Variants in ZNF407 observed in about 807,000 individuals in gnomAD.
The protein encoded by ZNF407 is zinc finger protein 407.
Under a neutral mutation model 131.2 loss-of-function variants are expected in ZNF407, and 17 were observed. That is an observed-to-expected ratio of 0.13 (90% CI 0.09 to 0.19). The LOEUF (loss-of-function observed/expected upper bound fraction) is 0.19. ZNF407 is among the 10% of genes least tolerant of loss of function. The pLI is 1.00. For missense variants in ZNF407, 2,681 were observed against 2,830.6 expected, an observed-to-expected ratio of 0.95 and a Z score of 1.20; for synonymous variants, 1,156 against 1,062.0, an observed-to-expected ratio of 1.09 and a Z score of -1.72.
chr18:74,800,560 T>C (rs1970002396), intron 4 of ZNF407, among the ~76,000 whole-genome samples: 1 of 152,152 alleles, frequency 6.6e-6, no homozygotes, highest in Non-Finnish European at 1.5e-5. Context: ...CCTTGCCATC[T>C]ATGGCCTTCC....
At chr18:74,953,446 T>A (rs1055145773) in intron 8 of ZNF407, among the ~76,000 whole-genome samples, 23 of 152,208 alleles carry the variant, frequency 1.5e-4, no homozygotes, top group Admixed American at 3.9e-4. Context: ...TTACGTTGTA[T>A]CATGGCCATC....
intron 8 of ZNF407, among the ~76,000 whole-genome samples, chr18:74,926,161 A>G (rs1479913606): frequency 6.6e-6 from 1 of 152,224 alleles, no homozygotes; most frequent in African/African-American, 2.4e-5. Flanking sequence ...GCTGTCTGCC[A>G]TAGCAGTACC....
intron 3 of ZNF407, among the ~76,000 whole-genome samples, chr18:74,727,555 G>A (rs928652369): frequency 1.3e-5 from 2 of 152,164 alleles, no homozygotes; most frequent in East Asian, 1.9e-4. Context: ...ACAGGGGCTC[G>A]AATGAAGTCT....
chr18:74,688,958 A>G lies in ZNF407; in HGVS notation c.4802+47836A>G, dbSNP rs759988692. On this transcript the variant is annotated intron_variant, in intron 3 of 8. Transcript: ENST00000299687. ...ATTCTCCTGCCTCAGTCTTCTGAGT[A>G]GCTGGAATTACAGGCACCCGCCACC... Among the ~76,000 whole-genome samples, 34 of 152,056 alleles carry G rather than the reference A, an allele frequency of 2.2e-4. 1 individual carries two copies. The highest frequency in any genetic ancestry group is 4.7e-4 in the Non-Finnish European group (32 of 68,016).
At chr18:75,031,770 T>C (rs1321904769) in intron 8 of ZNF407, among the ~76,000 whole-genome samples, 1 of 152,182 alleles carries the variant, frequency 6.6e-6, no homozygotes, top group Admixed American at 6.5e-5. Flanking sequence ...ATAACCAAAG[T>C]TGTACACAAG....
At chr18:74,822,178 T>G (rs932007753) in intron 4 of ZNF407, among the ~76,000 whole-genome samples, 2 of 152,214 alleles carry the variant, frequency 1.3e-5, no homozygotes, top group African/African-American at 4.8e-5. Context: ...CTCTGTCAGA[T>G]GGATAGATTG....
At chr18:74,977,053 A>G (rs1230131915) in intron 8 of ZNF407, among the ~76,000 whole-genome samples, 1 of 152,248 alleles carries the variant, frequency 6.6e-6, no homozygotes, top group African/African-American at 2.4e-5. Context: ...TAGACTTTTA[A>G]CCATTTAGTC....
intron 8 of ZNF407, among the ~76,000 whole-genome samples, chr18:75,039,105 A>C (rs1300300302): frequency 1.3e-5 from 2 of 152,260 alleles, no homozygotes; most frequent in African/African-American, 4.8e-5. Context: ...TGAATTAAGC[A>C]GGCTTACCTT....
At chr18:74,744,599 C>T (rs1348724580) in intron 3 of ZNF407, among the ~76,000 whole-genome samples, 1 of 151,972 alleles carries the variant, frequency 6.6e-6, no homozygotes, top group Admixed American at 6.6e-5. Flanking sequence ...AGTTTGTGGA[C>T]AGGACCAAAA....
At chr18:74,868,613 T>A (rs543505425) in intron 4 of ZNF407, among the ~76,000 whole-genome samples, 26 of 152,202 alleles carry the variant, frequency 1.7e-4, no homozygotes, top group Non-Finnish European at 2.8e-4. Flanking sequence ...ACAACCCCCG[T>A]CAGCATGGTT....
At chr18:74,952,409 A>G (rs896403715) in intron 8 of ZNF407, among the ~76,000 whole-genome samples, 4 of 152,216 alleles carry the variant, frequency 2.6e-5, no homozygotes, top group Non-Finnish European at 5.9e-5. Flanking sequence ...AACTGGCCCA[A>G]GTTACCCACC....
chr18:74,992,237 T>C (rs773575385), intron 8 of ZNF407, among the ~76,000 whole-genome samples: 6 of 152,168 alleles, frequency 3.9e-5, no homozygotes, highest in Non-Finnish European at 8.8e-5. Context: ...GCATAGTAAA[T>C]AATTACATTC....
chr18:74,782,557 C>CCTCTTCTCTT (rs72092645), intron 4 of ZNF407, among the ~76,000 whole-genome samples: 6 of 151,350 alleles, frequency 4.0e-5, no homozygotes, highest in Admixed American at 2.6e-4. Context: ...CCCCTCCCCT[C>CCTCTTCTCTT]CTCTTCTCTT....
chr18:74,607,168 C>G (rs962750635), intron 1 of ZNF407, among the ~76,000 whole-genome samples: 1 of 152,310 alleles, frequency 6.6e-6, no homozygotes, highest in Non-Finnish European at 1.5e-5. Context: ...GTTCTCAATC[C>G]TAATGTGTAT....
At chr18:74,642,522 C>T (rs1236456615) in intron 3 of ZNF407, among the ~76,000 whole-genome samples, 3 of 152,076 alleles carry the variant, frequency 2.0e-5, no homozygotes, top group Non-Finnish European at 2.9e-5. Flanking sequence ...CAATAGAGAT[C>T]TAATTCCATT....
chr18:74,897,947 A>G lies in ZNF407; in HGVS notation c.5249+7909A>G, dbSNP rs1259202168. On this transcript the variant is annotated intron_variant, in intron 7 of 8. Transcript: ENST00000299687. ...TGAAGTATATAAAAGTTTGTACTTT[A>G]TGTACAAATCAGTTTTCACTAATTT... 1.3e-5 allele frequency: 2 copies of G among 152,218 alleles called. 1 individual carries two copies. Among genetic ancestry groups the G allele is most frequent in the Non-Finnish European group, 2.9e-5 (2 of 68,034 alleles). The allele number at this position is 152,218 out of a possible 1,614,324, so 9.4% of individuals were successfully genotyped here.
chr18:74,611,032 A>G (rs895404937), intron 1 of ZNF407, among the ~76,000 whole-genome samples: 8 of 152,172 alleles, frequency 5.3e-5, no homozygotes, highest in African/African-American at 1.9e-4. Flanking sequence ...ATATTCCATC[A>G]CTTTTGATAT....
At chr18:74,988,638 A>G (rs965781729) in intron 8 of ZNF407, among the ~76,000 whole-genome samples, 3 of 151,668 alleles carry the variant, frequency 2.0e-5, no homozygotes, top group Non-Finnish European at 2.9e-5. Flanking sequence ...AACTTGAAGT[A>G]TAATAATAAT....
chr18:74,620,838 C>T lies in ZNF407; in HGVS notation c.-53-10129C>T, dbSNP rs1444844420. 7.2e-5 allele frequency among the ~76,000 whole-genome samples: 11 copies of T among 152,260 alleles called. No individual in the cohort carries two copies. In the East Asian group the frequency reaches 7.7e-4, roughly 11 times the overall value. On this transcript the variant is annotated intron_variant, in intron 1 of 8. Coordinates refer to ENST00000299687, the MANE Select transcript of ZNF407 (RefSeq NM_017757.3). ...AGTGGCCAGAGAACTGGGACTCATTCGGCTCCGATGACCTGTGGCTCTACG... is the reference window on the plus strand; with the variant it reads ...AGTGGCCAGAGAACTGGGACTCATTTGGCTCCGATGACCTGTGGCTCTACG...
Sources: gnomAD v4.1 joint callset for allele counts (sites outside exome capture counted in the v4.1 genomes callset) on GRCh38, gnomAD v4.1.1 for gene constraint, MANE v1.5 for transcripts, NCBI Gene and HGNC (gene_info 2026-07-23, HGNC 2026-07-21) for gene names.